The following SYT2 variants were observed in gnomAD, a reference collection of about 807,000 sequenced individuals.
SYT2 encodes synaptotagmin 2.
SYT2 carries 15 observed loss-of-function variants against 39.9 expected under a neutral mutation model. The ratio of observed to expected loss-of-function variants is 0.38; its 90% CI spans 0.25 to 0.58. The LOEUF (loss-of-function observed/expected upper bound fraction) is 0.58, where lower values mean the gene tolerates loss of function less well. Ranked by LOEUF, SYT2 falls within the 20% of genes least tolerant of loss-of-function variation. The pLI is 0.70. For synonymous variants in SYT2, 181 were observed against 204.5 expected, an observed-to-expected ratio of 0.89 and a Z score of 0.98; for missense variants, 389 against 530.3, an observed-to-expected ratio of 0.73 and a Z score of 2.62.
chr1:202,693,092 C>T (rs918393918), intron 1 of SYT2, among the ~76,000 whole-genome samples: 17 of 152,196 alleles, frequency 1.1e-4, no homozygotes, highest in Admixed American at 4.6e-4. Context: ...ATCCATCACC[C>T]GAGCACTCAG....
chr1:202,645,008 C>T (rs1692050042), intron 1 of SYT2, among the ~76,000 whole-genome samples: 3 of 152,272 alleles, frequency 2.0e-5, no homozygotes, highest in African/African-American at 4.8e-5. Context: ...CCGGGCGGCT[C>T]CTCCTGTGGG....
intron 8 of SYT2, among the ~76,000 whole-genome samples, chr1:202,598,123 AC>A: frequency 6.6e-6 from 1 of 152,296 alleles, no homozygotes; most frequent in East Asian, 1.9e-4. Context: ...CCCCTAGCCT[AC>A]CACTTAGGAA....
chr1:202,670,230 A>G (rs1223267344), intron 1 of SYT2, among the ~76,000 whole-genome samples: 10 of 152,224 alleles, frequency 6.6e-5, no homozygotes, highest in Non-Finnish European at 7.3e-5. Flanking sequence ...CCGGCCTCAC[A>G]GGAGCACTGG....
chr1:202,623,971 A>G lies in SYT2; in HGVS notation c.-17-18182T>C, dbSNP rs1222820112. 6.6e-6 allele frequency among the ~76,000 whole-genome samples: 1 copy of G among 152,226 alleles called. No individual in the cohort carries two copies. The highest frequency in any genetic ancestry group is 6.5e-5 in the Admixed American group (1 of 15,290). ...CTTTCATGCCAGATGCACATCTTCAATTTCAGCTACAAACTGTTACAAATT... is the reference window on the plus strand; with the variant it reads ...CTTTCATGCCAGATGCACATCTTCAGTTTCAGCTACAAACTGTTACAAATT... On this transcript the variant is annotated intron_variant, in intron 1 of 8. Transcript: ENST00000367268. This position sits in a 1 kb window ranked among gnomAD's most constrained non-coding sequence, Gnocchi z 4.2.
chr1:202,678,540 C>A (rs553202908), intron 1 of SYT2, among the ~76,000 whole-genome samples: 1 of 152,070 alleles, frequency 6.6e-6, no homozygotes, highest in Non-Finnish European at 1.5e-5. Flanking sequence ...TGTTTTCATA[C>A]GGCTCCCTTA....
At chr1:202,706,445 T>C (rs1454723373) in intron 1 of SYT2, among the ~76,000 whole-genome samples, 1 of 151,990 alleles carries the variant, frequency 6.6e-6, no homozygotes, top group East Asian at 1.9e-4. Context: ...CGCCAGGCAC[T>C]GTTCTACACG....
chr1:202,687,439 C>A (rs1018890765), intron 1 of SYT2, among the ~76,000 whole-genome samples: 1 of 152,250 alleles, frequency 6.6e-6, no homozygotes, highest in Non-Finnish European at 1.5e-5. Context: ...CTTGACTCCA[C>A]GGGGCCACTC....
At chr1:202,650,467 G>A (rs1198338532) in intron 1 of SYT2, among the ~76,000 whole-genome samples, 2 of 138,192 alleles carry the variant, frequency 1.4e-5, no homozygotes, top group Admixed American at 8.1e-5. Flanking sequence ...ACATAGTTTC[G>A]CTCTGTCACC....
chr1:202,626,774 T>A (rs1393809611), intron 1 of SYT2, among the ~76,000 whole-genome samples: 1 of 152,096 alleles, frequency 6.6e-6, no homozygotes, highest in Non-Finnish European at 1.5e-5. Context: ...GAACGTGGGC[T>A]TTAGAACAGC....
chr1:202,632,167 G>A (rs957001253), intron 1 of SYT2: 2 of 810,642 alleles, frequency 2.5e-6, no homozygotes, highest in African/African-American at 3.7e-5. Flanking sequence ...TAGATAATTT[G>A]TGGGGCACAT....
At chr1:202,647,805 C>T (rs1572656514) in intron 1 of SYT2, among the ~76,000 whole-genome samples, 1 of 152,110 alleles carries the variant, frequency 6.6e-6, no homozygotes, top group African/African-American at 2.4e-5. Context: ...TAAGAGAGAC[C>T]CTCTCCCTGC....
chr1:202,626,701 C>T (rs192224559), intron 1 of SYT2, among the ~76,000 whole-genome samples: 5 of 152,122 alleles, frequency 3.3e-5, no homozygotes, highest in Admixed American at 1.3e-4. Flanking sequence ...CCCAGCCTTC[C>T]GAGATGCTTG....
intron 1 of SYT2, among the ~76,000 whole-genome samples, chr1:202,670,005 C>G (rs923615366): frequency 2.0e-5 from 3 of 152,108 alleles, no homozygotes; most frequent in African/African-American, 7.2e-5. Flanking sequence ...CAGTGCCACC[C>G]ACACCCCAAC....
At position 202,596,308 on chromosome 1, in the gene SYT2, T is replaced by TAC. The variant is rs60259163; in HGVS notation, c.*447_*448dup. The TAC allele has an allele frequency of 1.3e-3, 116 of 88,014 alleles. No individual in the cohort carries two copies. Among genetic ancestry groups the TAC allele is most frequent in the South Asian group, 9.0e-3 (19 of 2,100 alleles). The allele number at this position is 88,014 out of a possible 1,614,324, so 5.5% of individuals were successfully genotyped here. ...ACACACACACACACACACACACACA[T>TAC]ACACACACACACACACACACACACA... On this transcript the variant is annotated 3_prime_UTR_variant, in exon 9 of 9. Coordinates refer to ENST00000367268, the MANE Select transcript of SYT2 (RefSeq NM_177402.5).
chr1:202,653,438 A>G (rs1192247345), intron 1 of SYT2, among the ~76,000 whole-genome samples: 1 of 152,002 alleles, frequency 6.6e-6, no homozygotes, highest in Non-Finnish European at 1.5e-5. Context: ...TTGTACTACC[A>G]CAGGGGACTG....
intron 1 of SYT2, among the ~76,000 whole-genome samples, chr1:202,674,493 A>C (rs1169964338): frequency 6.6e-6 from 1 of 152,174 alleles, no homozygotes; most frequent in Non-Finnish European, 1.5e-5. Flanking sequence ...AGTCTGTGTA[A>C]TATGATGTGA....
At chr1:202,622,178 A>G (rs1459656553) in intron 1 of SYT2, among the ~76,000 whole-genome samples, 4 of 152,270 alleles carry the variant, frequency 2.6e-5, no homozygotes, top group Admixed American at 6.5e-5. Context: ...CTCACAGGCT[A>G]GAAAGATCAA....
intron 1 of SYT2, among the ~76,000 whole-genome samples, chr1:202,679,221 T>C (rs932447380): frequency 6.6e-6 from 1 of 152,174 alleles, no homozygotes; most frequent in South Asian, 2.1e-4. Flanking sequence ...CTCCCTTCTC[T>C]GTCTCCCTCC....
intron 1 of SYT2, among the ~76,000 whole-genome samples, chr1:202,690,345 C>T (rs1653787350): frequency 6.6e-6 from 1 of 152,194 alleles, no homozygotes; most frequent in South Asian, 2.1e-4. Context: ...GTTTGACAAG[C>T]ATGCATGGCA....
Sources: allele counts gnomAD v4.1 joint callset (sites outside exome capture counted in the v4.1 genomes callset), GRCh38; gene constraint gnomAD v4.1.1; non-coding constraint Gnocchi (gnomAD v3.1); transcripts MANE v1.5; gene names NCBI Gene and HGNC (gene_info 2026-07-23, HGNC 2026-07-21).